The following PDE4D variants were observed in gnomAD, a reference collection of about 807,000 sequenced individuals.
PDE4D encodes phosphodiesterase 4D.
A neutral mutation model predicts 87.4 loss-of-function variants in PDE4D; 24 were observed. The ratio of observed to expected loss-of-function variants is 0.27; its 90% confidence interval spans 0.20 to 0.39. The LOEUF is 0.39. Ranked by LOEUF, PDE4D falls within the 10% of genes least tolerant of loss-of-function variation. The probability of loss-of-function intolerance (pLI) is 1.00; values close to 1 mark genes in which losing one functional copy is unlikely to be tolerated. For synonymous variants in PDE4D, 384 were observed against 383.2 expected (o/e 1.00, Z -0.02); for missense variants, 714 against 1,041.0 (o/e 0.69, Z 4.32).
In PDE4D at chr5:59,168,947, T is replaced by C. The variant is rs1251484943; in HGVS notation, c.808+11648A>G. Among the ~76,000 whole-genome samples the C allele has an allele frequency of 3.9e-5, 6 of 152,218 alleles. No individual in the cohort carries two copies. In the East Asian group the frequency reaches 9.6e-4, roughly 24 times the overall value. On this transcript the variant is annotated intron_variant, in intron 5 of 14. Transcript: ENST00000340635. ...ACGGTGTCTACCTCTTTGGATATCA[T>C]AAGGTTTAAAAAGATTACTCATCTA...
chr5:59,275,308 G>A (rs778410604), intron 1 of PDE4D: 2 of 1,554,516 alleles, frequency 1.3e-6, no homozygotes, highest in East Asian at 2.2e-5. Flanking sequence ...AAAGAGAAAA[G>A]GGGAAAAGCA....
intron 1 of PDE4D, among the ~76,000 whole-genome samples, chr5:59,815,312 A>G (rs895217829): frequency 4.6e-5 from 7 of 152,180 alleles, no homozygotes; most frequent in Middle Eastern, 3.2e-3. Context: ...ACATTTCAGA[A>G]CTCACTTAAT....
intron 2 of PDE4D, among the ~76,000 whole-genome samples, chr5:60,031,834 G>C (rs1218846109): frequency 6.6e-6 from 1 of 151,966 alleles, no homozygotes; most frequent in East Asian, 1.9e-4. Context: ...AAAGTAATTG[G>C]AATTATTTAC....
intron 3 of PDE4D, among the ~76,000 whole-genome samples, chr5:59,959,114 G>GCACACACA (rs70975352): frequency 1.3e-3 from 200 of 150,564 alleles, no homozygotes; most frequent in African/African-American, 4.2e-3. Flanking sequence ...ACACGCAGGT[G>GCACACACA]CACACACACA....
At chr5:59,458,123 G>A (rs887046822) in intron 1 of PDE4D, among the ~76,000 whole-genome samples, 1 of 152,162 alleles carries the variant, frequency 6.6e-6, no homozygotes, top group Non-Finnish European at 1.5e-5. Flanking sequence ...CAGCCATTCT[G>A]TGGTTTTGAT....
intron 1 of PDE4D, among the ~76,000 whole-genome samples, chr5:60,217,305 A>T (rs1743966799): frequency 6.6e-6 from 1 of 152,004 alleles, no homozygotes; most frequent in Admixed American, 6.6e-5. Context: ...TTGGTTTTAT[A>T]AAATAAAAAG....
chr5:60,191,815 G>C (rs1785222093), intron 1 of PDE4D, among the ~76,000 whole-genome samples: 2 of 151,960 alleles, frequency 1.3e-5, no homozygotes, highest in Admixed American at 1.3e-4. Context: ...TGGCCAACAT[G>C]GTGAAACTCT....
Position 58,975,703 on chromosome 5 carries a change from AT to A in PDE4D, c.1966del (p.Ile656Ter), listed in dbSNP as rs1368511802. The part of the protein sequence containing the change: ...GDRERERGME[I>X]SPMCDKHNAS... The stretch of plus-strand genomic sequence containing the variant: ...ATTGTGCTTGTCACACATGGGGCTT[AT>A]CTCCATGCCACGTTCCCTCTCTCGG... On this transcript the variant is annotated frameshift_variant, in exon 14 of 15. Transcript: ENST00000340635. LOFTEE classifies it high-confidence loss of function. The surrounding 1 kb of genome is among the most constrained non-coding windows in gnomAD (Gnocchi z 4.2). The A allele has an allele frequency of 6.2e-7, 1 of 1,612,930 alleles. No individual in the cohort carries two copies. The highest frequency in any genetic ancestry group is 8.5e-7 in the Non-Finnish European group (1 of 1,179,384).
At chr5:59,309,455 G>A (rs113884220) in intron 1 of PDE4D, among the ~76,000 whole-genome samples, 282 of 152,278 alleles carry the variant, frequency 1.9e-3, no homozygotes, top group African/African-American at 6.6e-3. Context: ...CTTTGCCTCT[G>A]TATTTCACTC....
intron 1 of PDE4D, among the ~76,000 whole-genome samples, chr5:59,840,765 A>G (rs984567306): frequency 6.6e-6 from 1 of 152,062 alleles, no homozygotes; most frequent in African/African-American, 2.4e-5. Flanking sequence ...GTTCTTGAAA[A>G]GGAAGGGCTT....
intron 3 of PDE4D, among the ~76,000 whole-genome samples, chr5:59,983,005 C>T (rs574856423): frequency 3.3e-5 from 5 of 152,248 alleles, no homozygotes; most frequent in African/African-American, 1.2e-4. Flanking sequence ...TAGGTGCTCG[C>T]ATTATTCCTA....
intron 5 of PDE4D, among the ~76,000 whole-genome samples, chr5:59,165,816 T>C (rs1168210032): frequency 6.6e-6 from 1 of 152,204 alleles, no homozygotes; most frequent in Non-Finnish European, 1.5e-5. Flanking sequence ...GCCTGTTCTC[T>C]TTTAGCCAAG....
At chr5:59,661,370 G>T (rs952164004) in intron 1 of PDE4D, among the ~76,000 whole-genome samples, 2 of 151,918 alleles carry the variant, frequency 1.3e-5, no homozygotes, top group Admixed American at 6.6e-5. Flanking sequence ...ATACAGTGGG[G>T]GTGTGTCATT....
At chr5:59,880,953 C>T (rs771939705) in intron 1 of PDE4D, among the ~76,000 whole-genome samples, 3 of 152,076 alleles carry the variant, frequency 2.0e-5, no homozygotes, top group Non-Finnish European at 2.9e-5. Flanking sequence ...GAAGTAATGA[C>T]TATCTAACAG....
chr5:60,130,776 A>C (rs1779495917), intron 2 of PDE4D, among the ~76,000 whole-genome samples: 1 of 152,204 alleles, frequency 6.6e-6, no homozygotes, highest in South Asian at 2.1e-4. Context: ...AGACCATCAC[A>C]TTGAGCTTTA....
intron 1 of PDE4D, among the ~76,000 whole-genome samples, chr5:59,633,728 C>A (rs191709585): frequency 1.3e-5 from 2 of 152,114 alleles, no homozygotes; most frequent in Admixed American, 1.3e-4. Context: ...TACAAGAGCT[C>A]CTGGAGGAAG....
At chr5:59,083,299 T>A (rs1444959407) in intron 5 of PDE4D, among the ~76,000 whole-genome samples, 1 of 152,128 alleles carries the variant, frequency 6.6e-6, no homozygotes, top group African/African-American at 2.4e-5. Flanking sequence ...AAAATTTTCA[T>A]CAGCATGTGT....
chr5:59,644,278 A>AT (rs1742096876), intron 1 of PDE4D, among the ~76,000 whole-genome samples: 1 of 152,116 alleles, frequency 6.6e-6, no homozygotes, highest in East Asian at 1.9e-4. Flanking sequence ...AGCTGAAGAG[A>AT]TTTTTTGGTA....
At chr5:59,728,724 T>C (rs556431303) in intron 1 of PDE4D, among the ~76,000 whole-genome samples, 32 of 152,234 alleles carry the variant, frequency 2.1e-4, no homozygotes, top group Middle Eastern at 3.4e-3. Flanking sequence ...TGAATATTTG[T>C]TTTCTGCACA....
Sources: allele counts gnomAD v4.1 joint callset (sites outside exome capture counted in the v4.1 genomes callset), GRCh38; gene constraint gnomAD v4.1.1; non-coding constraint Gnocchi (gnomAD v3.1); transcripts MANE v1.5; gene names NCBI Gene and HGNC (gene_info 2026-07-23, HGNC 2026-07-21).